The following GYG1 variants were observed in gnomAD, a reference collection of about 807,000 sequenced individuals.
GYG1 encodes the protein glycogenin 1, also known as glycogenin-1.
GYG1 carries 44 observed loss-of-function variants against 41.9 expected under a neutral mutation model. The observed-to-expected ratio is 1.05, with a 90% CI of 0.83 to 1.35. The LOEUF (loss-of-function observed/expected upper bound fraction) is 1.35. Among genes scored for constraint, GYG1 ranks in the 40% most tolerant of loss-of-function variants. The pLI is 0.00. For synonymous variants in GYG1, 141 were observed against 158.1 expected (o/e 0.89, Z 0.81); for missense variants, 429 against 418.9 (o/e 1.02, Z -0.21).
chr3:148,996,814 T>G lies in GYG1; in HGVS notation c.391T>G (p.Cys131Gly). 6.2e-7 allele frequency: 1 copy of G among 1,613,180 alleles called. No homozygotes were observed. Among genetic ancestry groups the G allele is most frequent in the Non-Finnish European group, 8.5e-7 (1 of 1,179,068 alleles). The change falls in exon 4 of 8, where the codon TGC becomes GGC. Residue 131 changes from cysteine (C) to glycine (G), a missense_variant. Physicochemically the swap from Cys to Gly is radical, Grantham distance 159. Coordinates refer to ENST00000345003, the MANE Select transcript of GYG1 (RefSeq NM_004130.4). ...AGCACCAGACCCAGGGTGGCCTGACTGCTTCAATTCCGGAGTCTTCGTTTA... is the reference window on the plus strand; with the variant it reads ...AGCACCAGACCCAGGGTGGCCTGACGGCTTCAATTCCGGAGTCTTCGTTTA... ...SAAPDPGWPD[C>G]FNSGVFVYQP...
At chr3:149,023,935 C>G in intron 5 of GYG1, 118 bp from the exon 6 acceptor site, 1 of 759,984 alleles carries the variant, frequency 1.3e-6, no homozygotes, top group Non-Finnish European at 2.3e-6. Context: ...GCCTGGGTGA[C>G]AGAGTGAGAC....
intron 5 of GYG1, among the ~76,000 whole-genome samples, chr3:149,019,723 G>A (rs1177924564): frequency 1.3e-5 from 2 of 152,224 alleles, no homozygotes; most frequent in Non-Finnish European, 2.9e-5. Context: ...ATTCATGAAG[G>A]TAGAGATCAG....
intron 1 of GYG1, among the ~76,000 whole-genome samples, chr3:148,993,227 TCAG>T (rs1307505098): frequency 6.7e-6 from 1 of 149,884 alleles, no homozygotes; most frequent in Non-Finnish European, 1.5e-5. Context: ...TGGGGACTGT[TCAG>T]CAGGAGGAAA....
intron 4 of GYG1, among the ~76,000 whole-genome samples, chr3:148,998,364 G>A (rs778589631): frequency 6.6e-6 from 1 of 152,168 alleles, no homozygotes; most frequent in Non-Finnish European, 1.5e-5. Flanking sequence ...GACATTTTTG[G>A]TTGTTACAAC....
In GYG1 at chr3:149,027,334, C is replaced by T. The variant is rs147583759; in HGVS notation, c.*401C>T. On this transcript the variant is annotated 3_prime_UTR_variant, in exon 8 of 8. Coordinates refer to ENST00000345003, the MANE Select transcript of GYG1 (RefSeq NM_004130.4). Reference sequence around the variant, plus strand: ...TTGCTTGTTGGTTGTGTACCTTTCACGAGACCTGAATTTTAGAATTGCCCA... The same window carrying T: ...TTGCTTGTTGGTTGTGTACCTTTCATGAGACCTGAATTTTAGAATTGCCCA... 855 of 217,486 alleles carry T rather than the reference C, an allele frequency of 3.9e-3. 6 individuals are homozygous for T. Among genetic ancestry groups the T allele is most frequent in the South Asian group, 0.021 (260 of 12,534 alleles). The allele number at this position is 217,486 out of a possible 1,614,324, so 13.5% of individuals were successfully genotyped here.
chr3:149,009,258 T>C lies in GYG1; in HGVS notation c.482-18T>C, dbSNP rs2107902640. On this transcript the variant is annotated intron_variant, in intron 4 of 7. Coordinates refer to ENST00000345003, the MANE Select transcript of GYG1 (RefSeq NM_004130.4). ...GTCTAGAGATCTGTTAACTAATTTATATATTTTTTTCTTTTAGGTGGGGAC... is the reference window on the plus strand; with the variant it reads ...GTCTAGAGATCTGTTAACTAATTTACATATTTTTTTCTTTTAGGTGGGGAC... 1.3e-6 allele frequency: 2 copies of C among 1,588,644 alleles called. No individual in the cohort carries two copies. The highest frequency in any genetic ancestry group is 4.5e-5 in the East Asian group (2 of 44,772).
At chr3:149,026,559 A>C (rs568930484) in intron 7 of GYG1, 57 bp downstream of exon 7, 2 of 1,118,630 alleles carry the variant, frequency 1.8e-6, no homozygotes, top group South Asian at 2.5e-5. Flanking sequence ...GTTTTCACTG[A>C]GTCAAGAAGT....
intron 1 of GYG1, among the ~76,000 whole-genome samples, 182 bp downstream of exon 1, chr3:148,991,829 C>G (rs960691591): frequency 1.6e-4 from 24 of 152,364 alleles, no homozygotes; most frequent in Non-Finnish European, 2.9e-4. Context: ...CCGCCGCCCC[C>G]CAGAGTGCAG....
At chr3:148,994,066 T>TTGAA in intron 1 of GYG1, 76 bp from the exon 2 acceptor site, 2 of 1,328,282 alleles carry the variant, frequency 1.5e-6, no homozygotes. Flanking sequence ...GAATTACTGT[T>TTGAA]TGAATGGGTT....
intron 5 of GYG1, among the ~76,000 whole-genome samples, chr3:149,013,665 G>C (rs1205253439): frequency 2.6e-5 from 4 of 152,098 alleles, no homozygotes; most frequent in Non-Finnish European, 5.9e-5. Context: ...TTAAGAATCA[G>C]ACTCATTCAC....
intron 4 of GYG1, among the ~76,000 whole-genome samples, chr3:149,008,683 C>G (rs1055948551): frequency 2.0e-5 from 3 of 152,218 alleles, no homozygotes; most frequent in Non-Finnish European, 2.9e-5. Flanking sequence ...CTGTTGGTGT[C>G]TCCCACCTGA....
intron 1 of GYG1, chr3:148,992,734 T>G (rs1712560289): frequency 6.6e-6 from 1 of 152,238 alleles, no homozygotes; most frequent in Non-Finnish European, 1.5e-5. Flanking sequence ...GATGGGCCTG[T>G]CAAGGGACAG....
chr3:149,019,084 A>G (rs1035906372), intron 5 of GYG1, among the ~76,000 whole-genome samples: 1 of 151,620 alleles, frequency 6.6e-6, no homozygotes, highest in African/African-American at 2.4e-5. Flanking sequence ...AAAAAAAAAA[A>G]AAAGAGAAAG....
In GYG1 at chr3:148,991,678, C is replaced by A. The variant is rs763942527; in HGVS notation, c.7+31C>A. Reference sequence around the variant, plus strand: ...GCCGCGCAGCCCGCCGCCGCCAGCCCCGGGACCCCGGCTTCCTGCCCAGCC... The same window carrying A: ...GCCGCGCAGCCCGCCGCCGCCAGCCACGGGACCCCGGCTTCCTGCCCAGCC... On this transcript the variant is annotated intron_variant, in intron 1 of 7. Transcript: ENST00000345003. 14 of 1,495,794 alleles carry A rather than the reference C, an allele frequency of 9.4e-6. No homozygotes were observed. In the South Asian group the frequency reaches 1.7e-4, roughly 18 times the overall value. 92.7% of individuals were successfully genotyped at this position (1,495,794 alleles called of 1,614,324 possible). A position where few individuals can be genotyped will look rare whatever the true frequency, so the allele number is the denominator to read the frequency against.
intron 4 of GYG1, among the ~76,000 whole-genome samples, chr3:149,008,490 C>T (rs1713535443): frequency 1.3e-5 from 2 of 152,216 alleles, no homozygotes; most frequent in South Asian, 2.1e-4. Context: ...TTTCCCCCAT[C>T]GGCATTTTTC....
intron 4 of GYG1, chr3:149,004,190 C>A (rs1414351690): frequency 2.0e-5 from 3 of 152,236 alleles, no homozygotes; most frequent in Non-Finnish European, 4.4e-5. Context: ...TGTTACCACA[C>A]CCTGGTGTAC....
Position 149,027,074 on chromosome 3 carries a change from A to T in GYG1, c.*141A>T. ...TTATCAGATGAGAGGCTTTTTTAGG[A>T]TAAGAGGTGAGAACTGGGCAAAAGT... On this transcript the variant is annotated 3_prime_UTR_variant, in exon 8 of 8. Coordinates refer to ENST00000345003, the MANE Select transcript of GYG1 (RefSeq NM_004130.4). 1.2e-6 allele frequency: 1 copy of T among 844,758 alleles called. No homozygotes were observed. The highest frequency in any genetic ancestry group is 1.9e-6 in the Non-Finnish European group (1 of 525,704). The allele number at this position is 844,758 out of a possible 1,614,324, so 52.3% of individuals were successfully genotyped here.
In GYG1 at chr3:149,031,165, A is replaced by G. The variant is rs536112225; in HGVS notation, c.*4232A>G. The G allele has an allele frequency of 2.0e-5, 3 of 152,566 alleles. No individual in the cohort carries two copies. The highest frequency in any genetic ancestry group is 7.2e-5 in the African/African-American group (3 of 41,526). The allele number at this position is 152,566 out of a possible 1,614,324, so 9.5% of individuals were successfully genotyped here. On this transcript the variant is annotated 3_prime_UTR_variant, in exon 8 of 8. Transcript: ENST00000345003. ...TGCTTATTAACAAAAAAGTAAAAAA[A>G]AAAGAAAAGAAAAAAGATGACTAAT...
At chr3:149,012,371 G>A (rs1713782403) in intron 5 of GYG1, among the ~76,000 whole-genome samples, 1 of 152,132 alleles carries the variant, frequency 6.6e-6, no homozygotes, top group South Asian at 2.1e-4. Flanking sequence ...TAGAGACCAT[G>A]GAGTGGTCTG....
Sources: allele counts gnomAD v4.1 joint callset (sites outside exome capture counted in the v4.1 genomes callset), GRCh38; gene constraint gnomAD v4.1.1; transcripts MANE v1.5; gene names NCBI Gene and HGNC (gene_info 2026-07-23, HGNC 2026-07-21).